The following DENND4C variants were observed in gnomAD, a reference collection of about 807,000 sequenced individuals.
DENND4C encodes the protein DENN domain-containing protein 4C.
Under a neutral mutation model 203.0 loss-of-function variants are expected in DENND4C, and 108 were observed. That is an observed-to-expected ratio of 0.53 (90% CI 0.46 to 0.62). DENND4C has a LOEUF of 0.62. Among genes scored for constraint, DENND4C ranks in the 20% least tolerant of loss-of-function variants. The pLI is 0.00. For missense variants in DENND4C, 2,481 were observed against 2,301.2 expected (o/e 1.08, Z -1.60); for synonymous variants, 871 against 792.4 (o/e 1.10, Z -1.67).
rs201183720 is a variant in DENND4C at position 19,352,186 on chromosome 9, A to G, written c.4605+4A>G. On this transcript the variant is annotated splice_donor_region_variant and intron_variant, in intron 25 of 32. Coordinates refer to ENST00000434457, the MANE Select transcript of DENND4C (RefSeq NM_001330640.2). Reference sequence around the variant, plus strand: ...CTATCAGAATTGTGCAATGGAGGTAAAAGTTCTATATTCAGTTCATGATAA... The same window carrying G: ...CTATCAGAATTGTGCAATGGAGGTAGAAGTTCTATATTCAGTTCATGATAA... 1.2e-5 allele frequency: 20 copies of G among 1,608,154 alleles called. No homozygotes were observed. The African/African-American group carries it at 1.7e-4, about 14-fold the overall frequency.
intron 1 of DENND4C, among the ~76,000 whole-genome samples, chr9:19,262,686 C>T (rs1001160127): frequency 6.6e-6 from 1 of 152,070 alleles, no homozygotes; most frequent in African/African-American, 2.4e-5. Flanking sequence ...TCTGCCTCGG[C>T]CTCCCAGAGT....
intron 1 of DENND4C, among the ~76,000 whole-genome samples, chr9:19,240,868 G>T: frequency 6.6e-6 from 1 of 150,966 alleles, no homozygotes; most frequent in Non-Finnish European, 1.5e-5. Flanking sequence ...TTGGGAGGCT[G>T]AAGTAGGAGA....
rs1199027036 is a variant in DENND4C at position 19,358,089 on chromosome 9, A to G, written c.5089A>G (p.Ile1697Val). 3 of 1,613,990 alleles carry G rather than the reference A, an allele frequency of 1.9e-6. No individual in the cohort carries two copies. Among genetic ancestry groups the G allele is most frequent in the Non-Finnish European group, 2.5e-6 (3 of 1,179,860 alleles). Residue 1697 changes from isoleucine to valine, a missense_variant, in exon 28 of 33, where the codon ATT (isoleucine) becomes GTT (valine). Around this residue, in one of 3 missense-constraint regions of DENND4C, gnomAD observed 2,289 missense variants for 2,113.3 expected, o/e 1.08. Coordinates refer to ENST00000434457, the MANE Select transcript of DENND4C (RefSeq NM_001330640.2). This position sits in a 1 kb window ranked among gnomAD's most constrained non-coding sequence, Gnocchi z 4.8. ...SHSVGGPLQNIDFTQRPFHGI... is the reference protein window; with the variant it reads ...SHSVGGPLQNVDFTQRPFHGI... ...CAGTGTTGGAGGCCCATTGCAGAAT[A>G]TTGACTTTACCCAGCGACCGTTTCA...
At chr9:19,368,391 C>T (rs994159316) in intron 30 of DENND4C, among the ~76,000 whole-genome samples, 1 of 151,698 alleles carries the variant, frequency 6.6e-6, no homozygotes, top group African/African-American at 2.4e-5. Context: ...AGCCTCCCAA[C>T]GTGCTGGGAT....
chr9:19,265,968 C>T (rs1176091617), intron 1 of DENND4C, among the ~76,000 whole-genome samples: 1 of 152,086 alleles, frequency 6.6e-6, no homozygotes, highest in Non-Finnish European at 1.5e-5. Context: ...TGGGTATATA[C>T]CCAGTAATGG....
rs780670203 is a variant in DENND4C at position 19,358,014 on chromosome 9, T to C, written c.5014T>C (p.Ser1672Pro). Residue 1672 changes from serine (S) to proline (P), a missense_variant, in exon 28 of 33, where the codon TCT (serine) becomes CCT (proline). Transcript: ENST00000434457. This position sits in a 1 kb window ranked among gnomAD's most constrained non-coding sequence, Gnocchi z 4.8. ...SGDVQTMKISSVPNSLSKRNV... is the reference protein window; with the variant it reads ...SGDVQTMKISPVPNSLSKRNV... ...AGATGTCCAAACTATGAAAATTTCA[T>C]CTGTGCCTAATAGTTTATCAAAGCG... The C allele has an allele frequency of 1.2e-5, 19 of 1,613,334 alleles. No homozygotes were observed. The South Asian group carries it at 1.9e-4, about 16-fold the overall frequency.
chr9:19,253,527 A>G (rs1169429770), intron 1 of DENND4C, among the ~76,000 whole-genome samples: 1 of 152,246 alleles, frequency 6.6e-6, no homozygotes, highest in Non-Finnish European at 1.5e-5. Flanking sequence ...TTCTAATGGT[A>G]GTTACCAAGC....
chr9:19,281,870 G>GT (rs1405135568), intron 2 of DENND4C, among the ~76,000 whole-genome samples: 1 of 152,186 alleles, frequency 6.6e-6, no homozygotes, highest in Non-Finnish European at 1.5e-5. Flanking sequence ...TTACACAGTG[G>GT]TGAGTATATG....
At chr9:19,257,370 AG>A (rs1188786456) in intron 1 of DENND4C, among the ~76,000 whole-genome samples, 85 of 151,084 alleles carry the variant, frequency 5.6e-4, no homozygotes, top group African/African-American at 1.9e-3. Flanking sequence ...AAAAAAAAAA[AG>A]AAAACACAAC....
intron 1 of DENND4C, among the ~76,000 whole-genome samples, chr9:19,264,605 C>A (rs1830105767): frequency 1.3e-5 from 2 of 152,214 alleles, no homozygotes; most frequent in East Asian, 3.9e-4. Flanking sequence ...CCATGCCTGG[C>A]CAGTAGTTTC....
At chr9:19,324,069 A>G (rs1379212128) in intron 12 of DENND4C, among the ~76,000 whole-genome samples, 3 of 152,190 alleles carry the variant, frequency 2.0e-5, no homozygotes, top group Non-Finnish European at 4.4e-5. Flanking sequence ...TGTATAATGT[A>G]TATGTGAAAC....
chr9:19,302,156 ATTAT>A (rs1402940580), intron 9 of DENND4C, among the ~76,000 whole-genome samples: 1 of 152,206 alleles, frequency 6.6e-6, no homozygotes, highest in Non-Finnish European at 1.5e-5. Flanking sequence ...TGCATGCAAA[ATTAT>A]TTATAAGTCA....
intron 1 of DENND4C, among the ~76,000 whole-genome samples, chr9:19,272,033 A>G (rs552089335): frequency 5.3e-5 from 8 of 152,310 alleles, no homozygotes; most frequent in African/African-American, 1.9e-4. Context: ...CCAGAAATAA[A>G]TTGGATGCAC....
chr9:19,316,864 C>A, intron 12 of DENND4C, 25 bp downstream of exon 12: 2 of 1,558,152 alleles, frequency 1.3e-6, no homozygotes, highest in Non-Finnish European at 1.7e-6. Context: ...AAGTACAATT[C>A]CTTTTATTGA....
At chr9:19,259,887 A>G (rs915328254) in intron 1 of DENND4C, among the ~76,000 whole-genome samples, 1 of 152,140 alleles carries the variant, frequency 6.6e-6, no homozygotes, top group Non-Finnish European at 1.5e-5. Context: ...GTTCCTTCCA[A>G]ATCTTGGCTA....
At chr9:19,335,462 G>C (rs1792711708) in intron 18 of DENND4C, among the ~76,000 whole-genome samples, 1 of 152,054 alleles carries the variant, frequency 6.6e-6, no homozygotes, top group Non-Finnish European at 1.5e-5. Flanking sequence ...TTCTCCTACT[G>C]AACTGAAGTT....
intron 1 of DENND4C, among the ~76,000 whole-genome samples, chr9:19,236,379 A>G (rs1208295900): frequency 1.3e-5 from 2 of 152,174 alleles, no homozygotes; most frequent in Admixed American, 1.3e-4. Context: ...AAAACTTACA[A>G]CTTGCTGTAA....
chr9:19,332,958 G>A (rs116431851), intron 17 of DENND4C, among the ~76,000 whole-genome samples: 1,525 of 150,494 alleles, frequency 0.01, 22 homozygotes, highest in African/African-American at 0.033. Flanking sequence ...CTTTTAGTAA[G>A]TGGCTCTCCA....
rs1258439136 is a variant in DENND4C at position 19,304,755 on chromosome 9, T to C, written c.1312-597T>C. Among the ~76,000 whole-genome samples the C allele has an allele frequency of 1.4e-4, 21 of 150,118 alleles. 2 individuals carry two copies. In the South Asian group the frequency reaches 3.8e-3, roughly 27 times the overall value. Reference sequence around the variant, plus strand: ...TAGTAGAGACGGGGTTTCACCTTGTTAGCCAGGATGGTCTCGATCTCCTGA... The same window carrying C: ...TAGTAGAGACGGGGTTTCACCTTGTCAGCCAGGATGGTCTCGATCTCCTGA... On this transcript the variant is annotated intron_variant, in intron 9 of 32. Coordinates refer to ENST00000434457, the MANE Select transcript of DENND4C (RefSeq NM_001330640.2).
Sources: allele counts gnomAD v4.1 joint callset (sites outside exome capture counted in the v4.1 genomes callset), GRCh38; gene constraint gnomAD v4.1.1; regional missense constraint gnomAD v4.1.1; non-coding constraint Gnocchi (gnomAD v3.1); transcripts MANE v1.5; gene names NCBI Gene and HGNC (gene_info 2026-07-23, HGNC 2026-07-21).